PKIB: variants seen among roughly 807,000 people sequenced by gnomAD.
PKIB encodes the protein PKI-beta.
In PKIB, 2 loss-of-function variants were observed where a neutral mutation model predicts 4.5. The ratio of observed to expected loss-of-function variants is 0.44; its 90% CI spans 0.18 to 1.39. The LOEUF is 1.39. Ranked by LOEUF, PKIB falls within the 40% of genes most tolerant of loss-of-function variation. The probability of loss-of-function intolerance (pLI) is 0.27; values close to 1 mark genes in which losing one functional copy is unlikely to be tolerated. For synonymous variants in PKIB, 38 were observed against 36.0 expected, an observed-to-expected ratio of 1.06 and a Z score of -0.20; for missense variants, 94 against 92.6, an observed-to-expected ratio of 1.02 and a Z score of -0.06.
At chr6:122,651,295 C>A (rs1233965727) in intron 2 of PKIB, among the ~76,000 whole-genome samples, 2 of 152,162 alleles carry the variant, frequency 1.3e-5, no homozygotes, top group Non-Finnish European at 2.9e-5. Flanking sequence ...AAAACTCATG[C>A]AATTCGTTTG....
At chr6:122,505,536 A>C (rs1030817880) in intron 2 of PKIB, among the ~76,000 whole-genome samples, 2 of 152,174 alleles carry the variant, frequency 1.3e-5, no homozygotes, top group African/African-American at 4.8e-5. Context: ...TAAAATTTGT[A>C]ATAGTTGATC....
chr6:122,701,318 TCCAAGCAGCCAGTGACAGTCACCAGGC>T lies in PKIB; in HGVS notation c.-8-16468_-8-16442del. The T allele has an allele frequency of 5.3e-6, 4 of 752,820 alleles. No homozygotes were observed. The South Asian group carries it at 5.4e-5, about 10-fold the overall frequency. The allele number at this position is 752,820 out of a possible 1,614,324, so 46.6% of individuals were successfully genotyped here. On this transcript the variant is annotated intron_variant, in intron 3 of 4. Transcript: ENST00000368452. The stretch of plus-strand genomic sequence containing the variant: ...TTACAAGCAATGTCTGTATTGCTGC[TCCAAGCAGCCAGTGACAGTCACCAGGC>T]TAGACATGGTGATCAGAGAGCTCTA...
chr6:122,704,158 A>G (rs1188342228), intron 3 of PKIB, among the ~76,000 whole-genome samples: 1 of 152,126 alleles, frequency 6.6e-6, no homozygotes, highest in African/African-American at 2.4e-5. Context: ...CAGCTTGAAG[A>G]CAGGCAGAGA....
intron 3 of PKIB, among the ~76,000 whole-genome samples, chr6:122,710,758 C>T (rs1009770676): frequency 6.6e-6 from 1 of 152,156 alleles, no homozygotes; most frequent in Non-Finnish European, 1.5e-5. Flanking sequence ...CAGTATCTAG[C>T]GTGGGGCTTT....
At chr6:122,657,306 T>C (rs1776811013) in intron 2 of PKIB, among the ~76,000 whole-genome samples, 1 of 152,214 alleles carries the variant, frequency 6.6e-6, no homozygotes, top group Admixed American at 6.5e-5. Flanking sequence ...ACATATTCAT[T>C]AGGGGCACAC....
Position 122,580,652 on chromosome 6 carries a change from A to T in PKIB, c.-247-5269A>T, listed in dbSNP as rs1341861944. ...TTGGGGACTGGTTTTATCCTGTATC[A>T]TATCTATATGCACTATACACTACAA... On this transcript the variant is annotated intron_variant, in intron 2 of 6. Coordinates refer to the PKIB transcript ENST00000392491. Among the ~76,000 whole-genome samples the T allele has an allele frequency of 7.2e-5, 11 of 152,236 alleles. No homozygotes were observed. In the East Asian group the frequency reaches 1.9e-3, roughly 27 times the overall value.
chr6:122,646,372 T>G (rs1776317514), intron 2 of PKIB, among the ~76,000 whole-genome samples: 1 of 152,280 alleles, frequency 6.6e-6, no homozygotes, highest in South Asian at 2.1e-4. Flanking sequence ...AGAAAAAAAT[T>G]GAATAGTGAC....
intron 3 of PKIB, among the ~76,000 whole-genome samples, chr6:122,707,312 G>A (rs962380735): frequency 6.6e-6 from 1 of 151,848 alleles, no homozygotes; most frequent in Non-Finnish European, 1.5e-5. Context: ...CTTCTGTAAA[G>A]TACCGAAGAT....
At chr6:122,712,106 A>T (rs1419726235) in intron 3 of PKIB, among the ~76,000 whole-genome samples, 2 of 152,180 alleles carry the variant, frequency 1.3e-5, no homozygotes, top group Non-Finnish European at 2.9e-5. Flanking sequence ...CTTGATACTT[A>T]AGTGAATAGG....
chr6:122,718,394 A>G (rs544535781), intron 4 of PKIB, among the ~76,000 whole-genome samples: 5 of 152,192 alleles, frequency 3.3e-5, no homozygotes, highest in African/African-American at 9.6e-5. Context: ...TTTCAAATCT[A>G]GGAAGAAGTT....
intron 2 of PKIB, among the ~76,000 whole-genome samples, chr6:122,548,987 A>C (rs197680): frequency 0.86 from 130,837 of 152,170 alleles, 56,465 homozygotes; most frequent in East Asian, 0.98. Flanking sequence ...TTCTGATAAC[A>C]CACAACAGTA....
chr6:122,640,028 C>T (rs1415084675), intron 2 of PKIB, among the ~76,000 whole-genome samples: 2 of 152,126 alleles, frequency 1.3e-5, no homozygotes, highest in Admixed American at 1.3e-4. Flanking sequence ...CCAAATCTCT[C>T]ATCTCTGATC....
At chr6:122,517,480 T>C (rs182758233) in intron 2 of PKIB, among the ~76,000 whole-genome samples, 32 of 152,352 alleles carry the variant, frequency 2.1e-4, no homozygotes, top group Middle Eastern at 3.4e-3. Flanking sequence ...GAAAATGTTT[T>C]CTGCGAAAGT....
intron 2 of PKIB, among the ~76,000 whole-genome samples, chr6:122,543,079 A>T (rs2114640902): frequency 6.6e-6 from 1 of 151,538 alleles, no homozygotes; most frequent in African/African-American, 2.4e-5. Flanking sequence ...GCGCAGTATT[A>T]GGGTGGGAGT....
chr6:122,615,019 A>G (rs572279289), intron 1 of PKIB, among the ~76,000 whole-genome samples: 11 of 151,888 alleles, frequency 7.2e-5, no homozygotes, highest in East Asian at 3.9e-4. Flanking sequence ...GATTATAGGT[A>G]TGGTGGATTT....
intron 3 of PKIB, chr6:122,701,607 C>A: frequency 2.2e-6 from 3 of 1,338,808 alleles, no homozygotes; most frequent in South Asian, 1.3e-5. Flanking sequence ...CAGCAGTTAG[C>A]AGTTCTGTCT....
intron 2 of PKIB, among the ~76,000 whole-genome samples, chr6:122,658,646 G>A (rs1286222313): frequency 6.6e-6 from 1 of 151,614 alleles, no homozygotes; most frequent in African/African-American, 2.4e-5. Context: ...TTATTAGTGG[G>A]GACCCTCTCT....
intron 2 of PKIB, among the ~76,000 whole-genome samples, chr6:122,507,326 A>G (rs1460330276): frequency 6.6e-6 from 1 of 152,154 alleles, no homozygotes; most frequent in Non-Finnish European, 1.5e-5. Flanking sequence ...TCTAAACACT[A>G]TTATTAACAT....
intron 2 of PKIB, among the ~76,000 whole-genome samples, chr6:122,559,011 C>T (rs1204212504): frequency 6.6e-6 from 1 of 152,104 alleles, no homozygotes; most frequent in East Asian, 1.9e-4. Flanking sequence ...TTTATTTTTC[C>T]ATTCCTGAGT....
Sources: allele counts gnomAD v4.1 joint callset (sites outside exome capture counted in the v4.1 genomes callset), GRCh38; gene constraint gnomAD v4.1.1; transcripts MANE v1.5; gene names NCBI Gene and HGNC (gene_info 2026-07-23, HGNC 2026-07-21).